Variants in FRYL observed in about 807,000 individuals in gnomAD.
FRYL encodes protein furry homolog-like.
FRYL carries 150 observed loss-of-function variants against 351.2 expected under a neutral mutation model. The observed-to-expected ratio is 0.43, with a 90% CI of 0.37 to 0.49. FRYL has a LOEUF of 0.49. Ranked by LOEUF, FRYL falls within the 20% of genes least tolerant of loss-of-function variation. The probability of loss-of-function intolerance (pLI) is 0.00; values close to 1 mark genes in which losing one functional copy is unlikely to be tolerated. For synonymous variants in FRYL, 1,153 were observed against 1,257.1 expected (o/e 0.92, Z 1.75); for missense variants, 3,036 against 3,619.3 (o/e 0.84, Z 4.13).
At chr4:48,741,245 T>TA (rs1006559039) in intron 1 of FRYL, among the ~76,000 whole-genome samples, 10 of 151,758 alleles carry the variant, frequency 6.6e-5, no homozygotes, top group African/African-American at 1.9e-4. Flanking sequence ...TCATCTTTAT[T>TA]AAAAAAATAG....
At position 48,627,294 on chromosome 4, in the gene FRYL, C is replaced by A. The variant is rs181095188; in HGVS notation, c.121-4115G>T. 1.6e-4 allele frequency among the ~76,000 whole-genome samples: 24 copies of A among 152,028 alleles called. No homozygotes were observed. The East Asian group carries it at 4.6e-3, about 29-fold the overall frequency. On this transcript the variant is annotated intron_variant, in intron 4 of 63. Transcript: ENST00000358350. ...TTCTAACTTATTTGACTTATTTGAT[C>A]CCCCCTTTTCACTGTAAATATTAAG...
In FRYL at chr4:48,561,487, T is replaced by C. The variant is rs760814650; in HGVS notation, c.3846A>G (p.Leu1282=). 41 of 1,598,834 alleles carry C rather than the reference T, an allele frequency of 2.6e-5. No homozygotes were observed. The highest frequency in any genetic ancestry group is 3.3e-5 in the Non-Finnish European group (39 of 1,171,574). ...TCATACCTGAGAATATGGCGAGAGT[T>C]AGCTCAGGATACGCCCTTGCTAGTT... The part of the protein sequence containing the change: ...SEELARAYPE[L]TLAIFSEISQ... Residue 1282 remains leucine (L), a synonymous_variant, in exon 33 of 64, where the codon CTA becomes CTG. Coordinates refer to ENST00000358350, the MANE Select transcript of FRYL (RefSeq NM_015030.2).
intron 2 of FRYL, among the ~76,000 whole-genome samples, chr4:48,695,763 G>A (rs538373963): frequency 1.2e-3 from 186 of 151,960 alleles, no homozygotes; most frequent in Admixed American, 1.8e-3. Flanking sequence ...ATGGCAAAAC[G>A]TTTTTGCAAG....
intron 1 of FRYL, among the ~76,000 whole-genome samples, chr4:48,734,756 A>G (rs1343048849): frequency 6.6e-6 from 1 of 152,172 alleles, no homozygotes; most frequent in Non-Finnish European, 1.5e-5. Context: ...AGCTTTCTAC[A>G]TATGGCTAGC....
At chr4:48,658,338 C>G (rs1329755137) in intron 3 of FRYL, among the ~76,000 whole-genome samples, 1 of 151,958 alleles carries the variant, frequency 6.6e-6, no homozygotes, top group African/African-American at 2.4e-5. Context: ...GCAATTTTTT[C>G]TATACAAATG....
intron 25 of FRYL, chr4:48,574,369 C>A (rs1739075762): frequency 6.6e-6 from 1 of 151,826 alleles, no homozygotes; most frequent in Non-Finnish European, 1.5e-5. Context: ...AATCTTTTTC[C>A]AAAACTTCAT....
At chr4:48,540,994 C>T (rs370704092) in intron 45 of FRYL, 34 bp from the exon 46 acceptor site, 2 of 1,458,130 alleles carry the variant, frequency 1.4e-6, no homozygotes, top group African/African-American at 1.4e-5. Context: ...GAATGCATAC[C>T]CAGTCACTTC....
intron 7 of FRYL, among the ~76,000 whole-genome samples, chr4:48,615,772 G>A (rs1010197819): frequency 2.6e-5 from 4 of 151,956 alleles, no homozygotes; most frequent in Non-Finnish European, 5.9e-5. Flanking sequence ...TAAAATACTG[G>A]CCATTTCCAC....
At position 48,527,960 on chromosome 4, in the gene FRYL, T is replaced by TA. The variant is rs752646957; in HGVS notation, c.7140+10_7140+11insT. The TA allele has an allele frequency of 1.3e-6, 2 of 1,549,464 alleles. No homozygotes were observed. Among genetic ancestry groups the TA allele is most frequent in the East Asian group, 4.5e-5 (2 of 44,590 alleles). ...TTTAAGACCTTGACACAGGTCTTCATGATTACTCACTGATGGGTTCTTTGG... is the reference window on the plus strand; with the variant it reads ...TTTAAGACCTTGACACAGGTCTTCATAGATTACTCACTGATGGGTTCTTTGG... On this transcript the variant is annotated intron_variant, in intron 52 of 63. Coordinates refer to ENST00000358350, the MANE Select transcript of FRYL (RefSeq NM_015030.2).
At chr4:48,761,551 C>G (rs1332899699) in intron 1 of FRYL, among the ~76,000 whole-genome samples, 1 of 152,162 alleles carries the variant, frequency 6.6e-6, no homozygotes, top group Non-Finnish European at 1.5e-5. Flanking sequence ...TACTAACTCA[C>G]CCAGAACAAC....
At chr4:48,521,020 C>T (rs1300140734) in intron 55 of FRYL, 28 bp downstream of exon 55, 1 of 1,568,168 alleles carries the variant, frequency 6.4e-7, no homozygotes, top group Non-Finnish European at 8.7e-7. Context: ...CCCAGATTGG[C>T]CATGCACCAG....
intron 1 of FRYL, among the ~76,000 whole-genome samples, chr4:48,778,719 G>C (rs1776290614): frequency 6.6e-6 from 1 of 152,166 alleles, no homozygotes; most frequent in African/African-American, 2.4e-5. Flanking sequence ...AAAAGCTGTT[G>C]GTACTAATTA....
At chr4:48,542,144 T>A in intron 44 of FRYL, 23 bp from the exon 45 acceptor site, 1 of 1,514,068 alleles carries the variant, frequency 6.6e-7, no homozygotes, top group Non-Finnish European at 9.2e-7. Context: ...AGGCAGATTT[T>A]AATTAATTAT....
chr4:48,608,786 T>C (rs537948762), intron 9 of FRYL, among the ~76,000 whole-genome samples: 2 of 152,250 alleles, frequency 1.3e-5, no homozygotes, highest in South Asian at 2.1e-4. Context: ...AAACCCCAAA[T>C]AAAATTAAAA....
Position 48,567,533 on chromosome 4 carries a change from C to T in FRYL, c.2997-113G>A, listed in dbSNP as rs1274928945. ...ACATGTTAATTTTGCATGCTCATGG[C>T]AGCACGCAACTTAATATATGAAAAT... On this transcript the variant is annotated intron_variant, in intron 27 of 63. Transcript: ENST00000358350. This position sits in a 1 kb window ranked among gnomAD's most constrained non-coding sequence, Gnocchi z 4.2. 2.4e-5 allele frequency: 16 copies of T among 660,346 alleles called. No individual in the cohort carries two copies. The highest frequency in any genetic ancestry group is 3.6e-5 in the Non-Finnish European group (15 of 413,962). The allele number at this position is 660,346 out of a possible 1,614,324, so 40.9% of individuals were successfully genotyped here. A position where few individuals can be genotyped will look rare whatever the true frequency, so the allele number is the denominator to read the frequency against.
intron 13 of FRYL, among the ~76,000 whole-genome samples, chr4:48,599,647 G>A (rs1276242691): frequency 6.6e-6 from 1 of 152,170 alleles, no homozygotes; most frequent in African/African-American, 2.4e-5. Flanking sequence ...GACTAGAAGA[G>A]CAAGAGCTAT....
intron 1 of FRYL, among the ~76,000 whole-genome samples, chr4:48,744,704 T>A (rs185207473): frequency 6.6e-6 from 1 of 152,334 alleles, no homozygotes; most frequent in African/African-American, 2.4e-5. Context: ...GGGATAACTT[T>A]AACTGTTTTA....
At chr4:48,656,331 A>AATATATTATATAATATATACTAC (rs1759031839) in intron 3 of FRYL, among the ~76,000 whole-genome samples, 1 of 127,242 alleles carries the variant, frequency 7.9e-6, no homozygotes, top group Non-Finnish European at 1.6e-5. Context: ...ATATATACTA[A>AATATATTATATAATATATACTAC]ATATATTATA....
chr4:48,773,414 C>T (rs1560383355), intron 1 of FRYL, among the ~76,000 whole-genome samples: 1 of 152,094 alleles, frequency 6.6e-6, no homozygotes, highest in African/African-American at 2.4e-5. Context: ...CATTCATCAA[C>T]GATTAGAACT....
Sources: allele counts gnomAD v4.1 joint callset (sites outside exome capture counted in the v4.1 genomes callset), GRCh38; gene constraint gnomAD v4.1.1; non-coding constraint Gnocchi (gnomAD v3.1); transcripts MANE v1.5; gene names NCBI Gene and HGNC (gene_info 2026-07-23, HGNC 2026-07-21).